The following SPIN2A variants were observed in gnomAD, a reference collection of about 807,000 sequenced individuals.
The protein encoded by SPIN2A is spindlin-2A.
Under a neutral mutation model 9.2 loss-of-function variants are expected in SPIN2A, and 4 were observed. The ratio of observed to expected loss-of-function variants is 0.44; its 90% CI spans 0.21 to 1.00. The LOEUF (loss-of-function observed/expected upper bound fraction) is 1.00. Ranked by LOEUF, SPIN2A falls within the 50% of genes least tolerant of loss-of-function variation. The probability of loss-of-function intolerance (pLI) is 0.26; values close to 1 mark genes in which losing one functional copy is unlikely to be tolerated. For missense variants in SPIN2A, 77 were observed against 172.8 expected (o/e 0.45, Z 3.11); for synonymous variants, 25 against 61.2 (o/e 0.41, Z 2.76).
the SPIN2A span, among the ~76,000 whole-genome samples, chrX:57,142,749 T>C: frequency 8.9e-6 from 1 of 111,924 alleles, no homozygotes; most frequent in African/African-American, 3.2e-5. Flanking sequence ...CCTCTCTCTT[T>C]AGTTGTACTA....
At chrX:57,139,666 G>A (rs891652198), upstream of SPIN2A, among the ~76,000 whole-genome samples, 1 of 111,348 alleles carries the variant, frequency 9.0e-6, no homozygotes, top group Non-Finnish European at 1.9e-5. Context: ...ATGTTAGCCA[G>A]GATGGTCTCG....
the SPIN2A span, among the ~76,000 whole-genome samples, chrX:57,145,970 A>G: frequency 5.4e-5 from 6 of 110,276 alleles, no homozygotes; most frequent in Admixed American, 1.9e-4. Flanking sequence ...GCCTTATAGT[A>G]TAGTTTGAAG....
the SPIN2A span, among the ~76,000 whole-genome samples, chrX:57,146,567 G>C: frequency 9.0e-6 from 1 of 111,699 alleles, no homozygotes; most frequent in African/African-American, 3.2e-5. Flanking sequence ...TCTTTGTCTT[G>C]TCTGATTGCT....
At chrX:57,138,001 A>G (rs934726813), upstream of SPIN2A, among the ~76,000 whole-genome samples, 1 of 111,829 alleles carries the variant, frequency 8.9e-6, no homozygotes, top group African/African-American at 3.3e-5. Flanking sequence ...ACTCACAGAT[A>G]TAATTCTCTG....
In SPIN2A at chrX:57,135,704, A is replaced by G. The variant is rs1340961618; in HGVS notation, c.*117T>C. On this transcript the variant is annotated 3_prime_UTR_variant, in exon 2 of 2. Coordinates refer to ENST00000374906, the MANE Select transcript of SPIN2A (RefSeq NM_019003.5). ...AGCAAAACAACAGTTAATGCTGGCA[A>G]AGATGTTTAGTTATCAGGGATTCCA... The G allele has an allele frequency of 5.4e-6, 6 of 1,121,174 alleles. No homozygotes were observed. The East Asian group carries it at 1.9e-4, about 35-fold the overall frequency. The allele number at this position is 1,121,174 out of a possible 1,213,427, so 92.4% of individuals were successfully genotyped here. A position where few individuals can be genotyped will look rare whatever the true frequency, so the allele number is the denominator to read the frequency against.
At chrX:57,146,063 C>T in the SPIN2A span, among the ~76,000 whole-genome samples, 3 of 106,897 alleles carry the variant, frequency 2.8e-5, no homozygotes, top group Non-Finnish European at 5.8e-5. Flanking sequence ...TTTTTTGGTT[C>T]CATATGAATT....
chrX:57,135,745 C>T lies in SPIN2A; in HGVS notation c.*76G>A. The T allele has an allele frequency of 8.6e-7, 1 of 1,167,611 alleles. No homozygotes were observed. The highest frequency in any genetic ancestry group is 2.0e-5 in the South Asian group (1 of 49,044). On this transcript the variant is annotated 3_prime_UTR_variant, in exon 2 of 2. Transcript: ENST00000374906. ...AGGGATTCCATAAGCTTTCAGTACACTGAAAGGCAACATTTTTTGCATGTC... is the reference window on the plus strand; with the variant it reads ...AGGGATTCCATAAGCTTTCAGTACATTGAAAGGCAACATTTTTTGCATGTC...
downstream of SPIN2A, chrX:57,135,457 G>C: frequency 4.6e-6 from 1 of 219,247 alleles, no homozygotes; most frequent in Non-Finnish European, 8.1e-6. Flanking sequence ...CCCCAAGACA[G>C]CCAATCTCTT....
upstream of SPIN2A, among the ~76,000 whole-genome samples, chrX:57,140,833 G>A (rs1023797244): frequency 4.5e-5 from 5 of 111,436 alleles, no homozygotes; most frequent in Admixed American, 9.6e-5. Context: ...TCCAAAAAGA[G>A]GGAGGAAGAG....
chrX:57,139,644 C>T (rs1201086036), upstream of SPIN2A, among the ~76,000 whole-genome samples: 3 of 110,879 alleles, frequency 2.7e-5, no homozygotes, highest in Non-Finnish European at 3.8e-5. Context: ...TTAGTAGAGA[C>T]GGGGTTTCAG....
the SPIN2A span, among the ~76,000 whole-genome samples, chrX:57,144,896 A>G: frequency 1.1e-5 from 1 of 93,971 alleles, no homozygotes; most frequent in Non-Finnish European, 2.0e-5. Context: ...ATATATATAT[A>G]TATGTATGTA....
chrX:57,143,422 C>T, the SPIN2A span, among the ~76,000 whole-genome samples: 1 of 110,325 alleles, frequency 9.1e-6, no homozygotes, highest in Non-Finnish European at 1.9e-5. Flanking sequence ...CCCCTTACGA[C>T]TTTTTGTTGT....
rs111515245 is a variant in SPIN2A at position 57,137,372 on chromosome X, A to T, written c.-118T>A. 346 of 753,518 alleles carry T rather than the reference A, an allele frequency of 4.6e-4. 1 individual carries two copies. The African/African-American group carries it at 7.1e-3, about 15-fold the overall frequency. 62.1% of individuals were successfully genotyped at this position (753,518 alleles called of 1,213,427 possible). On this transcript the variant is annotated 5_prime_UTR_variant, in exon 1 of 2. Coordinates refer to ENST00000374906, the MANE Select transcript of SPIN2A (RefSeq NM_019003.5). ...GGATCCATAGATGAGGAGCGTGTGT[A>T]GGAGCGCGGCGAGACAGGCAAAGAG... is the stretch of plus-strand genomic sequence containing the variant.
the SPIN2A span, among the ~76,000 whole-genome samples, chrX:57,142,763 T>G: frequency 8.9e-6 from 1 of 112,030 alleles, no homozygotes; most frequent in Non-Finnish European, 1.9e-5. Context: ...TGTACTAATA[T>G]TTTTAAATAT....
upstream of SPIN2A, among the ~76,000 whole-genome samples, chrX:57,139,210 C>T (rs145851178): frequency 6.7e-3 from 750 of 111,788 alleles, 6 homozygotes; most frequent in Middle Eastern, 0.014. Flanking sequence ...GTCTTTAATC[C>T]ATTTTGATTT....
rs1927843991 is a variant in SPIN2A at position 57,137,243 on chromosome X, G to T, written c.-6+17C>A. On this transcript the variant is annotated intron_variant, in intron 1 of 1. Transcript: ENST00000374906. ...CACCGCCGGGGATCGCGGGCCTCAC[G>T]TGCCGAAATCGGATACCTCGATGCT... The T allele has an allele frequency of 1.3e-6, 1 of 761,094 alleles. No individual in the cohort carries two copies. Among genetic ancestry groups the T allele is most frequent in the Non-Finnish European group, 1.6e-6 (1 of 642,706 alleles). The allele number at this position is 761,094 out of a possible 1,213,427, so 62.7% of individuals were successfully genotyped here.
At chrX:57,142,195 G>A (rs1175278079), upstream of SPIN2A, among the ~76,000 whole-genome samples, 1 of 111,358 alleles carries the variant, frequency 9.0e-6, no homozygotes, top group African/African-American at 3.3e-5. Context: ...TGCATTTTTA[G>A]GTTGTTTATT....
At chrX:57,142,582 C>T in the SPIN2A span, among the ~76,000 whole-genome samples, 1 of 111,755 alleles carries the variant, frequency 8.9e-6, no homozygotes, top group African/African-American at 3.2e-5. Context: ...TATTCTGCTC[C>T]TTTTGGGTGA....
At chrX:57,139,555 G>A (rs1217752614), upstream of SPIN2A, among the ~76,000 whole-genome samples, 1 of 111,146 alleles carries the variant, frequency 9.0e-6, no homozygotes, top group African/African-American at 3.3e-5. Context: ...CTGGGTTCAC[G>A]CCATTCTCCT....
Sources: gnomAD v4.1 joint callset for allele counts (sites outside exome capture counted in the v4.1 genomes callset) on GRCh38, gnomAD v4.1.1 for gene constraint, MANE v1.5 for transcripts, NCBI Gene and HGNC (gene_info 2026-07-23, HGNC 2026-07-21) for gene names.